The following CRTC1 variants were observed in gnomAD, a reference collection of about 807,000 sequenced individuals.
CRTC1 encodes CREB-regulated transcription coactivator 1.
CRTC1 carries 18 observed loss-of-function variants against 66.1 expected under a neutral mutation model. The observed-to-expected ratio is 0.27, with a 90% CI of 0.19 to 0.40. The LOEUF (loss-of-function observed/expected upper bound fraction) is 0.40. Ranked by LOEUF, CRTC1 falls within the 10% of genes least tolerant of loss-of-function variation. The pLI is 1.00. For missense variants in CRTC1, 669 were observed against 887.9 expected (o/e 0.75, Z 3.13); for synonymous variants, 416 against 398.8 (o/e 1.04, Z -0.51).
chr19:18,715,621 C>A (rs541965250), intron 1 of CRTC1, among the ~76,000 whole-genome samples: 66 of 152,374 alleles, frequency 4.3e-4, no homozygotes, highest in Admixed American at 8.5e-4. Context: ...GCAGCCTCCC[C>A]TCAGCCACCT....
Position 18,768,640 on chromosome 19 carries a change from C to A in CRTC1, c.1167C>A (p.Pro389=), listed in dbSNP as rs746005391. The change falls in exon 10 of 14, where the codon CCC becomes CCA. Residue 389 remains proline, a synonymous_variant. Transcript: ENST00000321949. This position sits in a 1 kb window ranked among gnomAD's most constrained non-coding sequence, Gnocchi z 5.6. ...CACCCCCGCCACCCCCACAGGCGCC[C>A]GTCCGCCTGCCCCCTGGTGGCCCCC... The part of the protein sequence containing the change: ...QPPPPPPPQA[P]VRLPPGGPLL... The A allele has an allele frequency of 2.0e-6, 3 of 1,529,028 alleles. No individual in the cohort carries two copies. The highest frequency in any genetic ancestry group is 1.4e-5 in the African/African-American group (1 of 72,062). The allele number at this position is 1,529,028 out of a possible 1,614,324, so 94.7% of individuals were successfully genotyped here.
Position 18,777,209 on chromosome 19 carries a change from A to G in CRTC1, c.1732A>G (p.Thr578Ala). Residue 578 changes from threonine (T) to alanine (A), a missense_variant, in exon 14 of 14, where the codon ACC becomes GCC. Thr to Ala is a moderately conservative substitution (Grantham distance 58). Coordinates refer to ENST00000321949, the MANE Select transcript of CRTC1 (RefSeq NM_015321.3). The surrounding 1 kb of genome is among the most constrained non-coding windows in gnomAD (Gnocchi z 5.5). ...CCCCCCCAGCCTCTCTAAAGAACTG[A>G]CCAGCTCTCTGGCCGGGGTCGGCGA... ...ESPPSLSKEL[T>A]SSLAGVGDVS... The G allele has an allele frequency of 7.0e-7, 1 of 1,431,496 alleles. No homozygotes were observed. Among genetic ancestry groups the G allele is most frequent in the Non-Finnish European group, 9.4e-7 (1 of 1,069,344 alleles). The allele number at this position is 1,431,496 out of a possible 1,614,324, so 88.7% of individuals were successfully genotyped here. A position where few individuals can be genotyped will look rare whatever the true frequency, so the allele number is the denominator to read the frequency against.
rs559525105 is a variant in CRTC1 at position 18,757,002 on chromosome 19, G to A, written c.625-2549G>A. On this transcript the variant is annotated intron_variant, in intron 6 of 13. Transcript: ENST00000321949. ...TCTCCACAGAGGCTTAACACCCGCCGGTCGCACGCCACCCCTCGGGCACCC... is the reference window on the plus strand; with the variant it reads ...TCTCCACAGAGGCTTAACACCCGCCAGTCGCACGCCACCCCTCGGGCACCC... Among the ~76,000 whole-genome samples, 14 of 152,314 alleles carry A rather than the reference G, an allele frequency of 9.2e-5. No individual in the cohort carries two copies. In the South Asian group the frequency reaches 1.7e-3, roughly 18 times the overall value.
At chr19:18,739,133 G>T (rs964636858) in intron 1 of CRTC1, among the ~76,000 whole-genome samples, 1 of 152,250 alleles carries the variant, frequency 6.6e-6, no homozygotes. Context: ...GGGAGCTGCA[G>T]TTTTCCCGAC....
chr19:18,687,140 C>G (rs1004598491), intron 1 of CRTC1, among the ~76,000 whole-genome samples: 2 of 151,748 alleles, frequency 1.3e-5, no homozygotes, highest in Admixed American at 6.6e-5. Context: ...CTCAGCCTCC[C>G]GAGTAGCTGG....
chr19:18,700,649 A>C (rs560165635), intron 1 of CRTC1, among the ~76,000 whole-genome samples: 2 of 152,198 alleles, frequency 1.3e-5, no homozygotes, highest in Non-Finnish European at 2.9e-5. Flanking sequence ...GGTGCATGCC[A>C]GCTGGTCATT....
intron 6 of CRTC1, among the ~76,000 whole-genome samples, chr19:18,755,615 T>C (rs1212557861): frequency 7.6e-6 from 1 of 132,044 alleles, no homozygotes; most frequent in Non-Finnish European, 1.6e-5. Flanking sequence ...TTTTTTTTTT[T>C]TTTCTGAGAT....
intron 1 of CRTC1, among the ~76,000 whole-genome samples, chr19:18,722,961 G>A (rs1017182370): frequency 6.6e-6 from 1 of 151,498 alleles, no homozygotes; most frequent in African/African-American, 2.4e-5. Context: ...TTTTTTTTGA[G>A]ACAGGGTCTT....
At position 18,741,480 on chromosome 19, in the gene CRTC1, A is replaced by G. The variant is rs900946299; in HGVS notation, c.127-1430A>G. Among the ~76,000 whole-genome samples, 6 of 152,182 alleles carry G rather than the reference A, an allele frequency of 3.9e-5. No individual in the cohort carries two copies. The highest frequency in any genetic ancestry group is 7.3e-5 in the Non-Finnish European group (5 of 68,040). The stretch of plus-strand genomic sequence containing the variant: ...GGTGAATGTAGCACAGGTTTCTGTC[A>G]TGCTACTTGGACACAGAAGAGGGTG... On this transcript the variant is annotated intron_variant, in intron 1 of 13. Coordinates refer to ENST00000321949, the MANE Select transcript of CRTC1 (RefSeq NM_015321.3). This position sits in a 1 kb window ranked among gnomAD's most constrained non-coding sequence, Gnocchi z 4.2.
At chr19:18,756,270 T>C (rs1600957207) in intron 6 of CRTC1, among the ~76,000 whole-genome samples, 2 of 145,026 alleles carry the variant, frequency 1.4e-5, no homozygotes, top group East Asian at 4.1e-4. Flanking sequence ...GAGGCAGAGG[T>C]TGCAGTGAGC....
chr19:18,746,428 A>G (rs1370376860), intron 3 of CRTC1, among the ~76,000 whole-genome samples: 3 of 152,104 alleles, frequency 2.0e-5, no homozygotes, highest in African/African-American at 7.2e-5. Context: ...TCTGTAAGAC[A>G]GGAGTAAAAT....
rs755043399 is a variant in CRTC1 at position 18,774,933 on chromosome 19, G to T, written c.1459G>T (p.Ala487Ser). Reference sequence around the variant, plus strand: ...CACCCTGGGCAGCGTGTTTGGGGACGCGTACTATGAGCAGCAGATGGCGGC... The same window carrying T: ...CACCCTGGGCAGCGTGTTTGGGGACTCGTACTATGAGCAGCAGATGGCGGC... ...TSTLGSVFGD[A>S]YYEQQMAARQ... Residue 487 changes from alanine (A) to serine (S), a missense_variant, in exon 12 of 14, where the codon GCG (alanine) becomes TCG (serine). Physicochemically the swap from Ala to Ser is moderately conservative, Grantham distance 99. This residue lies in a region of CRTC1 where 79 missense variants were observed against 100.1 expected (regional missense o/e 0.79). Coordinates refer to ENST00000321949, the MANE Select transcript of CRTC1 (RefSeq NM_015321.3). 4 of 1,610,334 alleles carry T rather than the reference G, an allele frequency of 2.5e-6. No homozygotes were observed. In the African/African-American group the frequency reaches 5.3e-5, roughly 21 times the overall value.
At chr19:18,767,033 C>G (rs1057437021) in intron 9 of CRTC1, among the ~76,000 whole-genome samples, 2 of 152,108 alleles carry the variant, frequency 1.3e-5, no homozygotes, top group African/African-American at 4.8e-5. Context: ...AGTTTCCAAT[C>G]TCATCTCCTT....
intron 6 of CRTC1, 58 bp downstream of exon 6, chr19:18,753,643 C>G (rs1568525745): frequency 4.4e-6 from 6 of 1,354,908 alleles, no homozygotes; most frequent in Non-Finnish European, 6.3e-6. Flanking sequence ...CAAGCATCAC[C>G]TGGGCAAAGG....
In CRTC1 at chr19:18,747,129, A is replaced by ACCCCCCCCCCCCCCCCCC. The variant is rs56040769; in HGVS notation, c.443+25_443+26insCCCCCCCCCCCCCCCCCC. 8 of 1,109,964 alleles carry ACCCCCCCCCCCCCCCCCC rather than the reference A, an allele frequency of 7.2e-6. No individual in the cohort carries two copies. The highest frequency in any genetic ancestry group is 6.5e-5 in the African/African-American group (3 of 46,352). 68.8% of individuals were successfully genotyped at this position (1,109,964 alleles called of 1,614,324 possible). On this transcript the variant is annotated intron_variant, in intron 4 of 13. Coordinates refer to ENST00000321949, the MANE Select transcript of CRTC1 (RefSeq NM_015321.3). Reference sequence around the variant, plus strand: ...AGCTGGAGAAGGTCAGTGGCTGGACACCCCCCCCCCGCCCCCTTCTTGTTG... The same window carrying ACCCCCCCCCCCCCCCCCC: ...AGCTGGAGAAGGTCAGTGGCTGGACACCCCCCCCCCCCCCCCCCCCCCCCCCCCGCCCCCTTCTTGTTG...
chr19:18,697,804 CCAG>C (rs1325151724), intron 1 of CRTC1, among the ~76,000 whole-genome samples: 7 of 152,234 alleles, frequency 4.6e-5, no homozygotes, highest in African/African-American at 1.7e-4. Context: ...CATGGTGTAC[CCAG>C]TTGGCACTGG....
rs948384991 is a variant in CRTC1, at chr19:18,768,601, G to A, written c.1128G>A (p.Ala376=). 1.2e-5 allele frequency: 19 copies of A among 1,529,734 alleles called. No individual in the cohort carries two copies. The highest frequency in any genetic ancestry group is 2.8e-5 in the African/African-American group (2 of 71,938). 94.8% of individuals were successfully genotyped at this position (1,529,734 alleles called of 1,614,324 possible). The change falls in exon 10 of 14, where the codon GCG becomes GCA. Residue 376 remains alanine (A), a synonymous_variant. Transcript: ENST00000321949. The surrounding 1 kb of genome is among the most constrained non-coding windows in gnomAD (Gnocchi z 5.6). ...QPQPPPPPPP[A]SQQPPPPPPP... is the part of the protein sequence containing the mutation. ...AGCCCCCGCCGCCTCCTCCACCCGC[G>A]TCCCAGCAGCCACCACCCCCGCCAC...
In CRTC1 at chr19:18,761,014, G is replaced by T. The variant is rs142490402; in HGVS notation, c.886+786G>T. ...AGCTCCCTCTCAGTGAAAGCCTGAGGCCTCCAGGGTCTGGGATGTCCACCC... is the reference window on the plus strand; with the variant it reads ...AGCTCCCTCTCAGTGAAAGCCTGAGTCCTCCAGGGTCTGGGATGTCCACCC... On this transcript the variant is annotated intron_variant, in intron 8 of 13. Coordinates refer to ENST00000321949, the MANE Select transcript of CRTC1 (RefSeq NM_015321.3). Among the ~76,000 whole-genome samples the T allele has an allele frequency of 1.3e-3, 201 of 152,092 alleles. 4 individuals are homozygous for T. In the East Asian group the frequency reaches 0.02, roughly 15 times the overall value.
intron 2 of CRTC1, among the ~76,000 whole-genome samples, chr19:18,745,539 G>A (rs535391865): frequency 2.6e-5 from 4 of 152,264 alleles, no homozygotes; most frequent in South Asian, 2.1e-4. Flanking sequence ...CGCTGGCCCC[G>A]AGCTTGTGCC....
Sources: allele counts gnomAD v4.1 joint callset (sites outside exome capture counted in the v4.1 genomes callset), GRCh38; gene constraint gnomAD v4.1.1; regional missense constraint gnomAD v4.1.1; non-coding constraint Gnocchi (gnomAD v3.1); transcripts MANE v1.5; gene names NCBI Gene and HGNC (gene_info 2026-07-23, HGNC 2026-07-21).